RBFOX2: variants seen among roughly 807,000 people sequenced by gnomAD.
RBFOX2 encodes RNA binding fox-1 homolog 2, also known as RNA binding protein fox-1 homolog 2.
In RBFOX2, 10 loss-of-function variants were observed where a neutral mutation model predicts 49.1. The ratio of observed to expected loss-of-function variants is 0.20; its 90% CI spans 0.13 to 0.35. The LOEUF is 0.35. Ranked by LOEUF, RBFOX2 falls within the 10% of genes least tolerant of loss-of-function variation. The probability of loss-of-function intolerance (pLI) is 1.00; values close to 1 mark genes in which losing one functional copy is unlikely to be tolerated. For synonymous variants in RBFOX2, 183 were observed against 187.4 expected, an observed-to-expected ratio of 0.98 and a Z score of 0.19; for missense variants, 323 against 486.9, an observed-to-expected ratio of 0.66 and a Z score of 3.17.
At chr22:35,904,843 AACTTAATT>A (rs2048954184) in intron 1 of RBFOX2, among the ~76,000 whole-genome samples, 1 of 152,214 alleles carries the variant, frequency 6.6e-6, no homozygotes, top group Non-Finnish European at 1.5e-5. Flanking sequence ...ATGTGAATTT[AACTTAATT>A]AAAATTAAAA....
intron 1 of RBFOX2, among the ~76,000 whole-genome samples, chr22:35,972,126 C>T (rs531751835): frequency 2.0e-5 from 3 of 151,946 alleles, no homozygotes; most frequent in Non-Finnish European, 4.4e-5. Context: ...CTCCCTAGAG[C>T]CCAGAAACCC....
At chr22:35,821,390 T>C (rs1954435382) in intron 1 of RBFOX2, among the ~76,000 whole-genome samples, 1 of 151,662 alleles carries the variant, frequency 6.6e-6, no homozygotes, top group South Asian at 2.1e-4. Context: ...TCACCTGAGG[T>C]CAGGAGTTCG....
chr22:35,805,322 A>G (rs1950543791), intron 2 of RBFOX2, among the ~76,000 whole-genome samples: 1 of 151,572 alleles, frequency 6.6e-6, no homozygotes. Context: ...AAGTAAGACA[A>G]AGACCTTACC....
chr22:35,901,063 C>CATT (rs2048507364), intron 1 of RBFOX2, among the ~76,000 whole-genome samples: 1 of 152,210 alleles, frequency 6.6e-6, no homozygotes, highest in Non-Finnish European at 1.5e-5. Flanking sequence ...ACTTTGCATG[C>CATT]ATTATCTCAT....
chr22:35,808,591 T>C (rs949536531), intron 2 of RBFOX2, among the ~76,000 whole-genome samples: 2 of 152,208 alleles, frequency 1.3e-5, no homozygotes, highest in African/African-American at 4.8e-5. Flanking sequence ...CTCATGCCTC[T>C]AATCCCAGCA....
chr22:36,000,512 T>A (rs1238151807), intron 1 of RBFOX2: 2 of 151,980 alleles, frequency 1.3e-5, no homozygotes, highest in African/African-American at 4.8e-5. Context: ...TTGGTGCTAA[T>A]TAACAGCCTT....
chr22:35,768,237 G>A lies in RBFOX2; in HGVS notation c.546+20C>T. 6.2e-7 allele frequency: 1 copy of A among 1,604,598 alleles called. No homozygotes were observed. The highest frequency in any genetic ancestry group is 8.5e-7 in the Non-Finnish European group (1 of 1,173,128). ...GAAATAAAAATATAAACCAGAAATT[G>A]AATTATTAAAGACATGCACCTCGAT... On this transcript the variant is annotated intron_variant, in intron 5 of 11. Coordinates refer to ENST00000405409, the Ensembl canonical transcript of RBFOX2.
Position 35,893,244 on chromosome 22 carries a change from A to C in RBFOX2, c.-34+45603T>G, listed in dbSNP as rs535636642. Among the ~76,000 whole-genome samples the C allele has an allele frequency of 1.2e-3, 180 of 152,366 alleles. 1 individual carries two copies. Among genetic ancestry groups the C allele is most frequent in the African/African-American group, 4.1e-3 (170 of 41,582 alleles). The stretch of plus-strand genomic sequence containing the variant: ...TGCTCCAAGGGTTGTGGGGTATAGT[A>C]ATCTTGGCATATTTCTATCTCAATC... On this transcript the variant is annotated intron_variant, in intron 1 of 13. Coordinates refer to the RBFOX2 transcript ENST00000359369.
At chr22:35,855,498 C>T (rs2042406298) in intron 1 of RBFOX2, among the ~76,000 whole-genome samples, 2 of 152,216 alleles carry the variant, frequency 1.3e-5, no homozygotes, top group East Asian at 1.9e-4. Context: ...CCTCTGCCTT[C>T]TAGGTTCAAG....
chr22:35,787,297 C>G (rs995009893), intron 2 of RBFOX2, among the ~76,000 whole-genome samples: 3 of 152,116 alleles, frequency 2.0e-5, no homozygotes, highest in African/African-American at 7.2e-5. Context: ...CTCAGCCTCC[C>G]AAAGTGCTAG....
chr22:35,928,225 C>A (rs990896444), intron 1 of RBFOX2, among the ~76,000 whole-genome samples: 1 of 152,034 alleles, frequency 6.6e-6, no homozygotes, highest in African/African-American at 2.4e-5. Flanking sequence ...AGGGTGTGTG[C>A]ATATGTGTGT....
At chr22:35,974,429 T>TA (rs907729126) in intron 1 of RBFOX2, among the ~76,000 whole-genome samples, 4 of 152,134 alleles carry the variant, frequency 2.6e-5, no homozygotes, top group African/African-American at 9.7e-5. Flanking sequence ...TCACGCCTGT[T>TA]ATCCCAGCAC....
chr22:35,846,333 TG>T (rs2041206448), intron 1 of RBFOX2, among the ~76,000 whole-genome samples: 1 of 6,506 alleles, frequency 1.5e-4, no homozygotes, highest in East Asian at 2.1e-3. Flanking sequence ...TATATAGTTG[TG>T]TGTGTGTGTG....
At chr22:35,911,959 C>T (rs1189101288) in intron 1 of RBFOX2, among the ~76,000 whole-genome samples, 1 of 151,918 alleles carries the variant, frequency 6.6e-6, no homozygotes, top group Non-Finnish European at 1.5e-5. Flanking sequence ...TTTTTTTAAT[C>T]TTAAATACAT....
chr22:35,930,703 G>A (rs567062820), intron 1 of RBFOX2, among the ~76,000 whole-genome samples: 148 of 152,088 alleles, frequency 9.7e-4, no homozygotes, highest in Non-Finnish European at 1.6e-3. Context: ...GGTGGTGTGC[G>A]CCTGTAATGC....
At chr22:35,755,550 G>C (rs953358341) in intron 9 of RBFOX2, among the ~76,000 whole-genome samples, 1 of 152,068 alleles carries the variant, frequency 6.6e-6, no homozygotes, top group Non-Finnish European at 1.5e-5. Flanking sequence ...CTCTTTGCTG[G>C]CATCGGTTCC....
chr22:35,991,287 C>T (rs1433527313), intron 1 of RBFOX2, among the ~76,000 whole-genome samples: 1 of 152,036 alleles, frequency 6.6e-6, no homozygotes, highest in Non-Finnish European at 1.5e-5. Flanking sequence ...CTATGAGGAG[C>T]CACCGGAAGA....
At chr22:35,984,752 T>C (rs1171754246) in intron 1 of RBFOX2, among the ~76,000 whole-genome samples, 3 of 152,146 alleles carry the variant, frequency 2.0e-5, no homozygotes, top group Non-Finnish European at 4.4e-5. Context: ...CACAAGAATA[T>C]ACTATGTATT....
At chr22:35,800,046 A>C (rs1949490727) in intron 2 of RBFOX2, among the ~76,000 whole-genome samples, 1 of 152,088 alleles carries the variant, frequency 6.6e-6, no homozygotes, top group South Asian at 2.1e-4. Flanking sequence ...TTCTCACTAC[A>C]ACCCTGTACA....
Sources: allele counts gnomAD v4.1 joint callset (sites outside exome capture counted in the v4.1 genomes callset), GRCh38; gene constraint gnomAD v4.1.1; transcripts MANE v1.5; gene names NCBI Gene and HGNC (gene_info 2026-07-23, HGNC 2026-07-21).